The following EFL1 variants were observed in gnomAD, a reference collection of about 807,000 sequenced individuals.
EFL1 encodes the protein elongation factor-like GTPase 1.
A neutral mutation model predicts 126.7 loss-of-function variants in EFL1; 76 were observed. That is an observed-to-expected ratio of 0.60 (90% CI 0.50 to 0.73). The LOEUF (loss-of-function observed/expected upper bound fraction) is 0.73, where lower values mean the gene tolerates loss of function less well. EFL1 is among the 30% of genes least tolerant of loss of function. The probability of loss-of-function intolerance (pLI) is 0.00; values close to 1 mark genes in which losing one functional copy is unlikely to be tolerated. For missense variants in EFL1, 1,128 were observed against 1,343.2 expected, an observed-to-expected ratio of 0.84 and a Z score of 2.50; for synonymous variants, 410 against 448.4, an observed-to-expected ratio of 0.91 and a Z score of 1.08.
At chr15:82,130,773 G>A (rs530802013) in intron 19 of EFL1, among the ~76,000 whole-genome samples, 2 of 152,296 alleles carry the variant, frequency 1.3e-5, no homozygotes, top group East Asian at 3.9e-4. Flanking sequence ...CAAGGCAGGT[G>A]GATTGCCTGA....
chr15:82,205,993 G>A (rs554134938), intron 15 of EFL1, among the ~76,000 whole-genome samples: 1 of 152,170 alleles, frequency 6.6e-6, no homozygotes, highest in Non-Finnish European at 1.5e-5. Context: ...TAGACAAGGG[G>A]ACTCCCACCT....
intron 15 of EFL1, among the ~76,000 whole-genome samples, chr15:82,208,244 C>CAAT (rs2141288989): frequency 6.6e-6 from 1 of 152,170 alleles, no homozygotes; most frequent in East Asian, 1.9e-4. Flanking sequence ...GCACCAAGCC[C>CAAT]AGTTAGTTTT....
chr15:82,172,149 A>T (rs1288446408), intron 15 of EFL1, among the ~76,000 whole-genome samples: 2 of 152,216 alleles, frequency 1.3e-5, no homozygotes, highest in Admixed American at 6.5e-5. Flanking sequence ...ATTTCACACC[A>T]ATACAACTGG....
intron 15 of EFL1, among the ~76,000 whole-genome samples, chr15:82,178,009 T>C (rs562122173): frequency 1.3e-4 from 20 of 152,314 alleles, no homozygotes; most frequent in Middle Eastern, 3.4e-3. Context: ...TGAGGTAAGA[T>C]TGTCATTTTT....
intron 15 of EFL1, among the ~76,000 whole-genome samples, chr15:82,179,106 C>T (rs1206985111): frequency 1.3e-5 from 2 of 151,996 alleles, no homozygotes; most frequent in African/African-American, 2.4e-5. Flanking sequence ...ATCGTGCCAC[C>T]GCAATCTAGC....
chr15:82,149,676 GGA>G (rs1294438846), intron 18 of EFL1, among the ~76,000 whole-genome samples: 1 of 152,104 alleles, frequency 6.6e-6, no homozygotes, highest in African/African-American at 2.4e-5. Context: ...TGAAGGATTT[GGA>G]GTTTTTCTCC....
At position 82,151,572 on chromosome 15, in the gene EFL1, A is replaced by T. The variant is rs749534661; in HGVS notation, c.2882T>A (p.Leu961Gln). The T allele has an allele frequency of 3.8e-5, 61 of 1,614,146 alleles. 2 individuals are homozygous for T. The South Asian group carries it at 5.8e-4, about 15-fold the overall frequency. ...TDCYGPFSGQ[L>Q]IATMKEACRY... is the part of the protein sequence containing the mutation. ...ACATGCTTCTTTCATGGTGGCAATTAGCTGTCCTGAGAAAGGTCCATAGCA... is the reference window on the plus strand; with the variant it reads ...ACATGCTTCTTTCATGGTGGCAATTTGCTGTCCTGAGAAAGGTCCATAGCA... Residue 961 changes from leucine (L) to glutamine (Q), a missense_variant, in exon 18 of 20, where the codon CTA becomes CAA. Transcript: ENST00000268206.
intron 15 of EFL1, among the ~76,000 whole-genome samples, chr15:82,187,183 C>T (rs772712884): frequency 6.6e-6 from 1 of 152,138 alleles, no homozygotes; most frequent in Non-Finnish European, 1.5e-5. Flanking sequence ...CCTACAGAGG[C>T]GGCACTTGTC....
At chr15:82,132,312 C>T (rs1595931438) in intron 19 of EFL1, among the ~76,000 whole-genome samples, 1 of 152,106 alleles carries the variant, frequency 6.6e-6, no homozygotes, top group South Asian at 2.1e-4. Context: ...TTCGCATCAG[C>T]AACAGCAGTT....
At chr15:82,257,415 T>A (rs1005519926) in intron 3 of EFL1, among the ~76,000 whole-genome samples, 1 of 152,174 alleles carries the variant, frequency 6.6e-6, no homozygotes, top group Non-Finnish European at 1.5e-5. Flanking sequence ...TATTTATATA[T>A]ACTATGCTTT....
chr15:82,232,796 TA>T (rs2141318234), intron 7 of EFL1, among the ~76,000 whole-genome samples: 1 of 152,254 alleles, frequency 6.6e-6, no homozygotes, highest in East Asian at 1.9e-4. Context: ...ATTTCCTTTC[TA>T]AAAAATATCT....
intron 15 of EFL1, among the ~76,000 whole-genome samples, chr15:82,200,890 A>AT (rs11370933): frequency 0.067 from 10,146 of 150,768 alleles, 492 homozygotes; most frequent in African/African-American, 0.13. Flanking sequence ...GTACTTGAGA[A>AT]TTTTTTTTTT....
intron 15 of EFL1, among the ~76,000 whole-genome samples, chr15:82,170,574 A>T (rs2074125158): frequency 1.3e-5 from 2 of 152,246 alleles, no homozygotes; most frequent in South Asian, 4.1e-4. Context: ...CTTGAATGTT[A>T]TAAAGTTCTA....
rs559007710 is a variant in EFL1 at position 82,239,869 on chromosome 15, G to A, written c.516+549C>T. On this transcript the variant is annotated intron_variant, in intron 6 of 19. Transcript: ENST00000268206. Reference sequence around the variant, plus strand: ...ATTCTTCCCTCTTGACCCAGACTGGGTTAGATGGCCCTTATCTATGCTGTT... The same window carrying A: ...ATTCTTCCCTCTTGACCCAGACTGGATTAGATGGCCCTTATCTATGCTGTT... Among the ~76,000 whole-genome samples the A allele has an allele frequency of 1.4e-4, 21 of 152,136 alleles. No individual in the cohort carries two copies. The South Asian group carries it at 4.4e-3, about 32-fold the overall frequency.
At chr15:82,251,749 T>G (rs1054064476) in intron 4 of EFL1, among the ~76,000 whole-genome samples, 1 of 152,220 alleles carries the variant, frequency 6.6e-6, no homozygotes, top group African/African-American at 2.4e-5. Flanking sequence ...CATCTTTTGG[T>G]GGCAGTGTCA....
chr15:82,132,688 G>A (rs1043557218), intron 19 of EFL1, among the ~76,000 whole-genome samples: 7 of 123,446 alleles, frequency 5.7e-5, no homozygotes, highest in Non-Finnish European at 8.6e-5. Flanking sequence ...AATTGGGGGG[G>A]GGGGGGGGTA....
intron 15 of EFL1, among the ~76,000 whole-genome samples, chr15:82,197,226 G>C (rs955645955): frequency 2.0e-5 from 3 of 152,204 alleles, no homozygotes; most frequent in East Asian, 1.9e-4. Flanking sequence ...ATTTTGTTTA[G>C]AGCTAAAAAA....
chr15:82,175,624 T>C (rs950473080), intron 15 of EFL1, among the ~76,000 whole-genome samples: 1 of 152,130 alleles, frequency 6.6e-6, no homozygotes, highest in Admixed American at 6.5e-5. Flanking sequence ...ACGCATGTAA[T>C]CCCAGCACTT....
At chr15:82,228,124 C>T in intron 10 of EFL1, 67 bp downstream of exon 10, 3 of 1,521,648 alleles carry the variant, frequency 2.0e-6, no homozygotes, top group Non-Finnish European at 1.8e-6. Flanking sequence ...TCTTGGTTAC[C>T]ATAACGCATT....
Sources: gnomAD v4.1 joint callset for allele counts (sites outside exome capture counted in the v4.1 genomes callset) on GRCh38, gnomAD v4.1.1 for gene constraint, MANE v1.5 for transcripts, NCBI Gene and HGNC (gene_info 2026-07-23, HGNC 2026-07-21) for gene names.